HDAC7: variants seen among roughly 807,000 people sequenced by gnomAD.
HDAC7 encodes the protein histone deacetylase 7A.
Under a neutral mutation model 115.5 loss-of-function variants are expected in HDAC7, and 26 were observed. The observed-to-expected ratio is 0.23, with a 90% CI of 0.16 to 0.31. The LOEUF is 0.31. Ranked by LOEUF, HDAC7 falls within the 10% of genes least tolerant of loss-of-function variation. The pLI is 1.00. For missense variants in HDAC7, 1,068 were observed against 1,329.0 expected, an observed-to-expected ratio of 0.80 and a Z score of 3.05; for synonymous variants, 564 against 550.9, an observed-to-expected ratio of 1.02 and a Z score of -0.33.
At chr12:47,789,949 C>A (rs1275381832) in intron 16 of HDAC7, 29 bp from the exon 17 acceptor site, 13 of 1,519,856 alleles carry the variant, frequency 8.6e-6, no homozygotes, top group Non-Finnish European at 1.2e-5. Flanking sequence ...GGGCCCGCAT[C>A]ATCCAAGGCT....
rs143907462 is a variant in HDAC7 at position 47,786,620 on chromosome 12, G to C, written c.2537C>G (p.Pro846Arg). Reference protein sequence around the residue: ...SAGFDAAEGHPAPLGGYHVSA... With the variant: ...SAGFDAAEGHRAPLGGYHVSA... ...AACATGGTAGCCACCCAGTGGGGCC[G>C]GGTGACCCTCAGCAGCATCAAATCC... The change falls in exon 22 of 26, where the codon CCG (proline) becomes CGG (arginine). Residue 846 changes from proline to arginine, a missense_variant. By Grantham distance (103) the Pro-to-Arg change is moderately radical. This residue lies in a region of HDAC7 where 182 missense variants were observed against 301.1 expected (regional missense o/e 0.60). Transcript: ENST00000080059. 6.2e-7 allele frequency: 1 copy of C among 1,613,928 alleles called. No individual in the cohort carries two copies. Among genetic ancestry groups the C allele is most frequent in the Non-Finnish European group, 8.5e-7 (1 of 1,179,906 alleles).
chr12:47,799,157 G>C, intron 2 of HDAC7, 185 bp from the exon 3 acceptor site: 2 of 554,976 alleles, frequency 3.6e-6, no homozygotes, highest in Admixed American at 3.7e-5. Flanking sequence ...CATTTTACTC[G>C]TGAGAAAAAA....
At chr12:47,802,350 C>T in intron 1 of HDAC7, 76 bp from the exon 2 acceptor site, 2 of 1,541,108 alleles carry the variant, frequency 1.3e-6, no homozygotes, top group Non-Finnish European at 1.8e-6. Context: ...GAAGGTCAAG[C>T]CAGGCCTGCT....
chr12:47,818,562 C>T (rs1484942057), intron 1 of HDAC7, among the ~76,000 whole-genome samples: 1 of 152,224 alleles, frequency 6.6e-6, no homozygotes, highest in African/African-American at 2.4e-5. Context: ...TCCTGCCAGC[C>T]CTATAGCTGA....
chr12:47,792,033 C>T (rs769507870), intron 13 of HDAC7, 29 bp from the exon 14 acceptor site: 21 of 1,578,778 alleles, frequency 1.3e-5, no homozygotes, highest in Non-Finnish European at 1.8e-5. Flanking sequence ...GAGCGGGGAC[C>T]CAGGGAGTCC....
chr12:47,784,899 C>T, intron 24 of HDAC7: 1 of 835,534 alleles, frequency 1.2e-6, no homozygotes, highest in Admixed American at 2.3e-5. Flanking sequence ...TCATTTTTAT[C>T]CCTAGTATAG....
chr12:47,796,234 G>A lies in HDAC7; in HGVS notation c.768C>T (p.His256=), dbSNP rs546464918. ...SGCSSPNDSE[H]GPNPILGSEA... is the part of the protein sequence containing the mutation. ...CCGAGCCCAGGATGGGATTGGGGCC[G>A]TGCTCGCTGTCATTGGGGGAGCTGC... The change falls in exon 8 of 26, where the codon CAC becomes CAT. Residue 256 remains histidine, a synonymous_variant. Coordinates refer to ENST00000080059, the MANE Select transcript of HDAC7 (RefSeq NM_015401.5). 3.0e-5 allele frequency: 48 copies of A among 1,605,566 alleles called. No homozygotes were observed. In the East Asian group the frequency reaches 3.8e-4, roughly 13 times the overall value.
At chr12:47,799,267 T>A in intron 2 of HDAC7, 1 of 357,320 alleles carries the variant, frequency 2.8e-6, no homozygotes, top group Admixed American at 4.7e-5. Context: ...TGCTCCTCCC[T>A]GGGCCGGGGG....
At position 47,791,307 on chromosome 12, in the gene HDAC7, C is replaced by T; in HGVS notation, c.1935G>A (p.Gly645=). The part of the protein sequence containing the change: ...RLKLDNGKLA[G]LLAQRMFVML... The stretch of plus-strand genomic sequence containing the variant: ...TCACAAACATCCGCTGTGCCAGGAG[C>T]CCTGCGGGGAGAGGCCCAGCCCACG... Residue 645 remains glycine (G), a splice_region_variant and synonymous_variant, in exon 16 of 26, where the codon GGG becomes GGA. Coordinates refer to ENST00000080059, the MANE Select transcript of HDAC7 (RefSeq NM_015401.5). The T allele has an allele frequency of 6.3e-7, 1 of 1,591,940 alleles. No homozygotes were observed. Among genetic ancestry groups the T allele is most frequent in the Non-Finnish European group, 8.6e-7 (1 of 1,169,108 alleles).
rs576461163 is a variant in HDAC7 at position 47,785,830 on chromosome 12, C to T, written c.2628G>A (p.Leu876=). 1 of 1,612,172 alleles carries T rather than the reference C, an allele frequency of 6.2e-7. No homozygotes were observed. The highest frequency in any genetic ancestry group is 2.2e-5 in the East Asian group (1 of 44,814). ...TGAGGTCATGGCCACCCTCCAAGGC[C>T]AGCACCACTGCGCCTCCTGCCAGGT... ...LMNLAGGAVV[L]ALEGGHDLTA... Residue 876 remains leucine (L), a synonymous_variant, in exon 23 of 26, where the codon CTG becomes CTA. Coordinates refer to ENST00000080059, the MANE Select transcript of HDAC7 (RefSeq NM_015401.5).
chr12:47,819,778 C>T lies in HDAC7; in HGVS notation c.8G>A (p.Ser3Asn). The T allele has an allele frequency of 1.3e-6, 1 of 771,804 alleles. No homozygotes were observed. Among genetic ancestry groups the T allele is most frequent in the Non-Finnish European group, 1.6e-6 (1 of 630,556 alleles). The allele number at this position is 771,804 out of a possible 1,614,324, so 47.8% of individuals were successfully genotyped here. A position where few individuals can be genotyped will look rare whatever the true frequency, so the allele number is the denominator to read the frequency against. MH[S>N]PGADGTQVSP... Reference sequence around the variant, plus strand: ...CGCCCAGTACTCACCAGCGCCGGGGCTGTGCATCCAGGGGCCGGGGCCCTC... The same window carrying T: ...CGCCCAGTACTCACCAGCGCCGGGGTTGTGCATCCAGGGGCCGGGGCCCTC... Residue 3 changes from serine to asparagine, a missense_variant, in exon 1 of 26, where the codon AGC (serine) becomes AAC (asparagine). Coordinates refer to ENST00000080059, the MANE Select transcript of HDAC7 (RefSeq NM_015401.5).
intron 18 of HDAC7, 41 bp from the exon 19 acceptor site, chr12:47,789,389 A>G (rs1270307509): frequency 1.3e-6 from 2 of 1,585,178 alleles, no homozygotes; most frequent in East Asian, 2.2e-5. Context: ...TTCTCTCCAC[A>G]TGCCCTCACC....
At chr12:47,801,707 C>T (rs1944174440) in intron 2 of HDAC7, among the ~76,000 whole-genome samples, 1 of 152,178 alleles carries the variant, frequency 6.6e-6, no homozygotes, top group African/African-American at 2.4e-5. Flanking sequence ...ATGTCCTAAA[C>T]CAAAGCAGCA....
Position 47,803,709 on chromosome 12 carries a change from G to A in HDAC7, c.20-1435C>T, listed in dbSNP as rs190656964. On this transcript the variant is annotated intron_variant, in intron 1 of 25. Coordinates refer to ENST00000080059, the MANE Select transcript of HDAC7 (RefSeq NM_015401.5). The surrounding 1 kb of genome is among the most constrained non-coding windows in gnomAD (Gnocchi z 4.0). Reference sequence around the variant, plus strand: ...CTGCACCAAACACCTCGCAGGGCACGTGGCAGGCTCTGTTAGTAGCTGACA... The same window carrying A: ...CTGCACCAAACACCTCGCAGGGCACATGGCAGGCTCTGTTAGTAGCTGACA... Among the ~76,000 whole-genome samples the A allele has an allele frequency of 3.4e-4, 52 of 152,244 alleles. No individual in the cohort carries two copies. The highest frequency in any genetic ancestry group is 1.2e-3 in the African/African-American group (49 of 41,528).
intron 1 of HDAC7, among the ~76,000 whole-genome samples, chr12:47,816,094 A>ATG: frequency 6.6e-6 from 1 of 151,782 alleles, no homozygotes; most frequent in South Asian, 2.1e-4. Flanking sequence ...GTTTCGCCGC[A>ATG]TTGGCCAGGC....
chr12:47,809,054 C>A (rs1479600022), intron 1 of HDAC7, among the ~76,000 whole-genome samples: 1 of 152,232 alleles, frequency 6.6e-6, no homozygotes, highest in East Asian at 1.9e-4. Context: ...CATCTCTCCC[C>A]TTCGCCTTTA....
At chr12:47,791,802 C>CCCCCCCCCCCCCCCCCCCCCAAAAAAACA in intron 14 of HDAC7, 69 bp downstream of exon 14, 1 of 1,286,790 alleles carries the variant, frequency 7.8e-7, no homozygotes, top group Non-Finnish European at 1.1e-6. Flanking sequence ...GGCCCCAGGG[C>CCCCCCCCCCCCCCCCCCCCCAAAAAAACA]CCCCCACCCC....
chr12:47,787,843 A>T, intron 20 of HDAC7, 34 bp from the exon 21 acceptor site: 1 of 1,588,792 alleles, frequency 6.3e-7, no homozygotes. Context: ...ACATGAGGAC[A>T]GCAGAGTCCC....
Position 47,795,492 on chromosome 12 carries a change from G to A in HDAC7, c.1087+95C>T, listed in dbSNP as rs1235236957. On this transcript the variant is annotated intron_variant, in intron 10 of 25. Coordinates refer to ENST00000080059, the MANE Select transcript of HDAC7 (RefSeq NM_015401.5). This position sits in a 1 kb window ranked among gnomAD's most constrained non-coding sequence, Gnocchi z 4.3. ...AGCAGGGCAATGCGCAGGACAGGGG[G>A]ACAGAGATGGGGAGGAAGGATGGGT... 4 of 1,412,352 alleles carry A rather than the reference G, an allele frequency of 2.8e-6. No homozygotes were observed. Among genetic ancestry groups the A allele is most frequent in the Non-Finnish European group, 3.9e-6 (4 of 1,028,196 alleles). The allele number at this position is 1,412,352 out of a possible 1,614,324, so 87.5% of individuals were successfully genotyped here. A position where few individuals can be genotyped will look rare whatever the true frequency, so the allele number is the denominator to read the frequency against.
Sources: allele counts gnomAD v4.1 joint callset (sites outside exome capture counted in the v4.1 genomes callset), GRCh38; gene constraint gnomAD v4.1.1; regional missense constraint gnomAD v4.1.1; non-coding constraint Gnocchi (gnomAD v3.1); transcripts MANE v1.5; gene names NCBI Gene and HGNC (gene_info 2026-07-23, HGNC 2026-07-21).